Variants in SLC17A8 observed in about 807,000 individuals in gnomAD.
SLC17A8 encodes vesicular glutamate transporter 3.
SLC17A8 carries 31 observed loss-of-function variants against 58.0 expected under a neutral mutation model. That is an observed-to-expected ratio of 0.53 (90% CI 0.40 to 0.72). SLC17A8 has a LOEUF of 0.72. Ranked by LOEUF, SLC17A8 falls within the 30% of genes least tolerant of loss-of-function variation. SLC17A8 has a pLI of 0.00. For synonymous variants in SLC17A8, 228 were observed against 249.0 expected (o/e 0.92, Z 0.79); for missense variants, 655 against 727.8 (o/e 0.90, Z 1.15).
At chr12:100,386,361 A>G (rs894369283) in intron 2 of SLC17A8, among the ~76,000 whole-genome samples, 1 of 152,204 alleles carries the variant, frequency 6.6e-6, no homozygotes, top group African/African-American at 2.4e-5. Flanking sequence ...TTTAGTGTAC[A>G]ATACATTATG....
intron 10 of SLC17A8, among the ~76,000 whole-genome samples, chr12:100,413,211 C>T (rs758819832): frequency 1.3e-5 from 2 of 152,186 alleles, no homozygotes; most frequent in African/African-American, 2.4e-5. Context: ...TGTCACCCTA[C>T]CTGACAGAGG....
intron 1 of SLC17A8, among the ~76,000 whole-genome samples, chr12:100,375,605 C>T (rs557763789): frequency 3.3e-5 from 5 of 152,170 alleles, no homozygotes; most frequent in African/African-American, 4.8e-5. Context: ...GCAGCTGGGG[C>T]TGTCTGCAAT....
chr12:100,378,839 A>G (rs1479038325), intron 1 of SLC17A8, among the ~76,000 whole-genome samples: 1 of 151,992 alleles, frequency 6.6e-6, no homozygotes, highest in Non-Finnish European at 1.5e-5. Flanking sequence ...CTAAGCTTCT[A>G]CTCTGGGCTC....
intron 5 of SLC17A8, among the ~76,000 whole-genome samples, chr12:100,399,662 C>T (rs558348728): frequency 2.5e-4 from 38 of 152,148 alleles, no homozygotes; most frequent in African/African-American, 6.7e-4. Context: ...CACTCACTAT[C>T]GTAAGAACAG....
intron 2 of SLC17A8, among the ~76,000 whole-genome samples, chr12:100,390,323 T>C (rs1371931979): frequency 6.6e-6 from 1 of 150,452 alleles, no homozygotes; most frequent in Non-Finnish European, 1.5e-5. Context: ...GTGAAATCTA[T>C]GAGAGCAGGG....
At chr12:100,377,796 C>A (rs1484679687) in intron 1 of SLC17A8, among the ~76,000 whole-genome samples, 2 of 151,944 alleles carry the variant, frequency 1.3e-5, no homozygotes, top group Non-Finnish European at 2.9e-5. Flanking sequence ...CCATGTTGGC[C>A]AGGCTGGTCT....
At chr12:100,396,290 A>T in intron 4 of SLC17A8, 40 bp from the exon 5 acceptor site, 1 of 1,494,338 alleles carries the variant, frequency 6.7e-7, no homozygotes, top group Non-Finnish European at 9.3e-7. Flanking sequence ...AGCAGAAACT[A>T]CAGTCAAATC....
intron 5 of SLC17A8, among the ~76,000 whole-genome samples, chr12:100,400,717 G>A (rs1952785047): frequency 1.3e-5 from 2 of 152,046 alleles, no homozygotes; most frequent in African/African-American, 4.8e-5. Context: ...AGCCCAGGGG[G>A]AGTTTCAGAG....
chr12:100,358,721 C>G (rs1047823574), intron 1 of SLC17A8, among the ~76,000 whole-genome samples: 1 of 152,116 alleles, frequency 6.6e-6, no homozygotes, highest in Non-Finnish European at 1.5e-5. Flanking sequence ...GTTGAGCACT[C>G]CCCAGGTAAC....
intron 2 of SLC17A8, among the ~76,000 whole-genome samples, chr12:100,384,066 A>G (rs1373456811): frequency 6.6e-6 from 1 of 152,204 alleles, no homozygotes; most frequent in Non-Finnish European, 1.5e-5. Context: ...TTTGGCATAT[A>G]GTAAGAAAAT....
intron 1 of SLC17A8, among the ~76,000 whole-genome samples, chr12:100,361,515 C>T (rs1453378318): frequency 1.3e-5 from 2 of 152,158 alleles, no homozygotes; most frequent in African/African-American, 4.8e-5. Context: ...CCCTCCTCCT[C>T]CTGCCCTCTT....
chr12:100,390,664 A>G (rs1398237315), intron 2 of SLC17A8, among the ~76,000 whole-genome samples: 1 of 151,626 alleles, frequency 6.6e-6, no homozygotes, highest in African/African-American at 2.4e-5. Context: ...GTTTTTTAAG[A>G]TGGGGTTTCA....
At chr12:100,370,744 G>A (rs866413098) in intron 1 of SLC17A8, among the ~76,000 whole-genome samples, 1 of 151,908 alleles carries the variant, frequency 6.6e-6, no homozygotes, top group South Asian at 2.1e-4. Flanking sequence ...TAAAGCCATA[G>A]AGACTATCTT....
At chr12:100,368,343 T>C (rs954156006) in intron 1 of SLC17A8, among the ~76,000 whole-genome samples, 3 of 152,218 alleles carry the variant, frequency 2.0e-5, no homozygotes, top group African/African-American at 7.2e-5. Context: ...TCTTCTCCCC[T>C]GGTGTCTGTG....
At chr12:100,394,947 T>C (rs1030667208) in intron 4 of SLC17A8, among the ~76,000 whole-genome samples, 1 of 151,442 alleles carries the variant, frequency 6.6e-6, no homozygotes, top group Non-Finnish European at 1.5e-5. Context: ...TCATTTCAAA[T>C]CCAACTCTAG....
intron 1 of SLC17A8, among the ~76,000 whole-genome samples, chr12:100,378,480 A>T (rs1952609946): frequency 6.6e-6 from 1 of 152,182 alleles, no homozygotes; most frequent in African/African-American, 2.4e-5. Context: ...TCTTTCTTAA[A>T]AAAAGGAAAA....
intron 3 of SLC17A8, among the ~76,000 whole-genome samples, chr12:100,392,644 C>A (rs948450610): frequency 6.6e-6 from 1 of 152,126 alleles, no homozygotes; most frequent in African/African-American, 2.4e-5. Context: ...CACACATAAT[C>A]TAATTTCCCA....
chr12:100,390,954 C>G (rs745560635), intron 2 of SLC17A8, 47 bp from the exon 3 acceptor site: 1 of 1,319,226 alleles, frequency 7.6e-7, no homozygotes, highest in East Asian at 2.3e-5. Context: ...AAATGGTTGT[C>G]AGCCTTTTTC....
intron 1 of SLC17A8, among the ~76,000 whole-genome samples, chr12:100,366,783 T>C (rs1225375673): frequency 1.3e-5 from 2 of 152,252 alleles, no homozygotes; most frequent in Non-Finnish European, 2.9e-5. Context: ...TTTATGTATA[T>C]GAAGCAATAC....
Sources: gnomAD v4.1 joint callset for allele counts (sites outside exome capture counted in the v4.1 genomes callset) on GRCh38, gnomAD v4.1.1 for gene constraint, MANE v1.5 for transcripts, NCBI Gene and HGNC (gene_info 2026-07-23, HGNC 2026-07-21) for gene names.